The following ERI1 variants were observed in gnomAD, a reference collection of about 807,000 sequenced individuals.
ERI1 encodes the protein 3'-5' exoribonuclease 1.
A neutral mutation model predicts 39.7 loss-of-function variants in ERI1; 39 were observed. The observed-to-expected ratio is 0.98, with a 90% confidence interval of 0.76 to 1.28. ERI1 has a LOEUF of 1.28. Among genes scored for constraint, ERI1 ranks in the 50% most tolerant of loss-of-function variants. ERI1 has a pLI of 0.00. For synonymous variants in ERI1, 204 were observed against 149.6 expected (o/e 1.36, Z -2.65); for missense variants, 581 against 416.9 (o/e 1.39, Z -3.43).
At chr8:9,035,802 C>T (rs1423656143), downstream of ERI1, among the ~76,000 whole-genome samples, 4 of 152,186 alleles carry the variant, frequency 2.6e-5, no homozygotes, top group South Asian at 6.2e-4. Context: ...TAGGCAAAGT[C>T]AGTTGAAAAC....
At chr8:9,061,125 G>A (rs1383310157) in intron 3 of ERI1, among the ~76,000 whole-genome samples, 2 of 152,204 alleles carry the variant, frequency 1.3e-5, no homozygotes, top group Non-Finnish European at 2.9e-5. Context: ...GATAGATGTG[G>A]AAGATACTAT....
chr8:9,050,234 G>A (rs762247419), intron 3 of ERI1, among the ~76,000 whole-genome samples: 1 of 152,012 alleles, frequency 6.6e-6, no homozygotes. Context: ...AAGGCTGGGC[G>A]CAGTGCCTCA....
At chr8:9,024,820 T>C (rs1307807451) in intron 6 of ERI1, among the ~76,000 whole-genome samples, 1 of 152,210 alleles carries the variant, frequency 6.6e-6, no homozygotes, top group African/African-American at 2.4e-5. Context: ...TAAAATGTGT[T>C]TTCTTTTTTT....
At chr8:9,069,814 A>T (rs1402558780) in intron 3 of ERI1, among the ~76,000 whole-genome samples, 2 of 152,222 alleles carry the variant, frequency 1.3e-5, no homozygotes, top group Non-Finnish European at 2.9e-5. Context: ...AGAGAAGGAA[A>T]TGATTATACT....
At chr8:9,097,188 G>A (rs910434989) in intron 3 of ERI1, among the ~76,000 whole-genome samples, 2 of 151,800 alleles carry the variant, frequency 1.3e-5, no homozygotes, top group African/African-American at 4.8e-5. Flanking sequence ...AATCCCCAGC[G>A]CTTTCTCCCC....
intron 2 of ERI1, among the ~76,000 whole-genome samples, chr8:9,010,490 T>G (rs1270637878): frequency 6.6e-6 from 1 of 152,222 alleles, no homozygotes; most frequent in African/African-American, 2.4e-5. Context: ...AGCTAACTGG[T>G]TGATTATTAC....
chr8:9,005,214 T>TC (rs1470294797), intron 1 of ERI1, among the ~76,000 whole-genome samples: 2 of 152,184 alleles, frequency 1.3e-5, no homozygotes, highest in African/African-American at 4.8e-5. Context: ...GTTTTCCTTT[T>TC]CTTTTTTTAA....
intron 3 of ERI1, among the ~76,000 whole-genome samples, chr8:9,078,738 CT>C (rs1424451452): frequency 1.2e-4 from 19 of 152,198 alleles, no homozygotes; most frequent in Non-Finnish European, 1.5e-5. Flanking sequence ...GTCCAGCAGA[CT>C]TTGTTACAAC....
chr8:9,036,126 A>T (rs1482794160), downstream of ERI1, among the ~76,000 whole-genome samples: 1 of 152,234 alleles, frequency 6.6e-6, no homozygotes, highest in East Asian at 1.9e-4. Flanking sequence ...GATGCTGTAA[A>T]CATTCTTGAA....
At chr8:9,083,486 C>T (rs1184281626) in intron 3 of ERI1, among the ~76,000 whole-genome samples, 1 of 151,876 alleles carries the variant, frequency 6.6e-6, no homozygotes, top group African/African-American at 2.4e-5. Context: ...AAACATATAC[C>T]AAAGAAGAGA....
At chr8:9,093,880 A>G (rs527823476) in intron 3 of ERI1, among the ~76,000 whole-genome samples, 1 of 152,312 alleles carries the variant, frequency 6.6e-6, no homozygotes, top group Non-Finnish European at 1.5e-5. Context: ...CCTGGCCAAG[A>G]CTTTAAAATA....
intron 3 of ERI1, among the ~76,000 whole-genome samples, chr8:9,097,390 C>T (rs1799909060): frequency 5.9e-5 from 9 of 152,100 alleles, no homozygotes; most frequent in Admixed American, 4.6e-4. Context: ...GGGCCAGGTG[C>T]GGTGGCTCAC....
chr8:9,004,302 T>G (rs538703357), intron 1 of ERI1: 1 of 1,127,628 alleles, frequency 8.9e-7, no homozygotes, highest in Non-Finnish European at 1.1e-6. Flanking sequence ...ATCCTGTAAG[T>G]GGGTTTTAAA....
rs1034550706 is a variant in ERI1 at position 9,005,215 on chromosome 8, CT to C, written c.108+2051del. Among the ~76,000 whole-genome samples, 172 of 152,026 alleles carry C rather than the reference CT, an allele frequency of 1.1e-3. 1 individual carries two copies. The highest frequency in any genetic ancestry group is 7.2e-4 in the Non-Finnish European group (49 of 67,954). ...GTGCAGATGCAGAGGTTTTCCTTTT[CT>C]TTTTTTAAAAGGTAGTACCTAGATT... On this transcript the variant is annotated intron_variant, in intron 1 of 6. Coordinates refer to ENST00000250263, the MANE Select transcript of ERI1 (RefSeq NM_153332.4).
chr8:9,043,545 G>C (rs189901782), intron 3 of ERI1, among the ~76,000 whole-genome samples: 7 of 152,354 alleles, frequency 4.6e-5, no homozygotes, highest in Non-Finnish European at 7.3e-5. Flanking sequence ...ATGATAGGCA[G>C]ATGAGATGCA....
rs1797631846 is a variant in ERI1, at chr8:9,032,162, C to T, written c.*2128C>T. The T allele has an allele frequency of 2.0e-5, 3 of 152,180 alleles. No individual in the cohort carries two copies. The highest frequency in any genetic ancestry group is 7.2e-5 in the African/African-American group (3 of 41,428). 9.4% of individuals were successfully genotyped at this position (152,180 alleles called of 1,614,324 possible). On this transcript the variant is annotated 3_prime_UTR_variant, in exon 7 of 7. Transcript: ENST00000250263. ...TAAACATTGAGAGTACTGCTTTTTACTCTGACTTTTATTGTGTTGTCTTTG... is the reference window on the plus strand; with the variant it reads ...TAAACATTGAGAGTACTGCTTTTTATTCTGACTTTTATTGTGTTGTCTTTG...
rs769431621 is a variant in ERI1 at position 9,006,451 on chromosome 8, C to G, written c.109-1519C>G. Among the ~76,000 whole-genome samples, 5 of 152,176 alleles carry G rather than the reference C, an allele frequency of 3.3e-5. No individual in the cohort carries two copies. In the South Asian group the frequency reaches 6.2e-4, roughly 19 times the overall value. The stretch of plus-strand genomic sequence containing the variant: ...AAGAGGATTTATCCAAAGAGAAAAT[C>G]TGCTTAAATTAACTGAGACATCTGT... On this transcript the variant is annotated intron_variant, in intron 1 of 6. Coordinates refer to ENST00000250263, the MANE Select transcript of ERI1 (RefSeq NM_153332.4).
intron 3 of ERI1, among the ~76,000 whole-genome samples, chr8:9,061,279 T>A (rs956623641): frequency 6.6e-6 from 1 of 152,036 alleles, no homozygotes; most frequent in Non-Finnish European, 1.5e-5. Flanking sequence ...CAGATACAGT[T>A]ATGAGGGTCA....
At chr8:9,096,028 T>G (rs1196996260) in intron 3 of ERI1, among the ~76,000 whole-genome samples, 2 of 152,180 alleles carry the variant, frequency 1.3e-5, no homozygotes, top group African/African-American at 4.8e-5. Flanking sequence ...AGATAATGTC[T>G]GTGAAAGTAC....
Sources: allele counts gnomAD v4.1 joint callset (sites outside exome capture counted in the v4.1 genomes callset), GRCh38; gene constraint gnomAD v4.1.1; transcripts MANE v1.5; gene names NCBI Gene and HGNC (gene_info 2026-07-23, HGNC 2026-07-21).